ITGA9: variants seen among roughly 807,000 people sequenced by gnomAD.
The protein encoded by ITGA9 is integrin alpha-9.
A neutral mutation model predicts 127.8 loss-of-function variants in ITGA9; 56 were observed. The ratio of observed to expected loss-of-function variants is 0.44; its 90% CI spans 0.35 to 0.55. The LOEUF (loss-of-function observed/expected upper bound fraction) is 0.55. Among genes scored for constraint, ITGA9 ranks in the 20% least tolerant of loss-of-function variants. The pLI, the probability that ITGA9 is intolerant of heterozygous loss-of-function variation, is 0.00. For missense variants in ITGA9, 1,196 were observed against 1,347.1 expected (o/e 0.89, Z 1.76); for synonymous variants, 508 against 514.5 (o/e 0.99, Z 0.17).
At chr3:37,512,008 CTTTTCTTTTCTTTTCTTTT>C (rs1156916823) in intron 8 of ITGA9, among the ~76,000 whole-genome samples, 445 of 33,010 alleles carry the variant, frequency 0.013, 9 homozygotes, top group East Asian at 0.032. Flanking sequence ...CTTTTCTTTT[CTTTTCTTTTCTTTTCTTTT>C]CTTTCTTTCT....
chr3:37,668,385 G>A (rs558623795), intron 17 of ITGA9, among the ~76,000 whole-genome samples: 1 of 152,274 alleles, frequency 6.6e-6, no homozygotes, highest in African/African-American at 2.4e-5. Context: ...GCCATCCATT[G>A]GAGGTTTTAT....
intron 5 of ITGA9, among the ~76,000 whole-genome samples, chr3:37,501,441 T>A (rs1698786017): frequency 6.6e-6 from 1 of 152,212 alleles, no homozygotes; most frequent in African/African-American, 2.4e-5. Flanking sequence ...ATTAAAAAAA[T>A]TAATACATAT....
At chr3:37,694,555 G>A (rs1009061822) in intron 18 of ITGA9, among the ~76,000 whole-genome samples, 1 of 152,218 alleles carries the variant, frequency 6.6e-6, no homozygotes, top group African/African-American at 2.4e-5. Flanking sequence ...TATTCACTGC[G>A]TTTGGAAGGA....
intron 27 of ITGA9, among the ~76,000 whole-genome samples, chr3:37,805,208 T>G (rs1697281761): frequency 6.6e-6 from 1 of 151,938 alleles, no homozygotes; most frequent in South Asian, 2.1e-4. Context: ...GCACAATGCC[T>G]GGCTCATTTT....
At chr3:37,670,244 G>A (rs1054102392) in intron 17 of ITGA9, among the ~76,000 whole-genome samples, 2 of 152,036 alleles carry the variant, frequency 1.3e-5, no homozygotes, top group Non-Finnish European at 2.9e-5. Context: ...GGTGAATGAA[G>A]TCAACCACAG....
At chr3:37,788,820 T>C (rs1286585579) in intron 26 of ITGA9, among the ~76,000 whole-genome samples, 3 of 152,184 alleles carry the variant, frequency 2.0e-5, no homozygotes, top group Non-Finnish European at 4.4e-5. Flanking sequence ...TTAATTATTC[T>C]TTAAATTTTT....
chr3:37,536,496 G>T (rs376339856), intron 14 of ITGA9, among the ~76,000 whole-genome samples: 1 of 152,246 alleles, frequency 6.6e-6, no homozygotes, highest in African/African-American at 2.4e-5. Flanking sequence ...TACATGACCT[G>T]CTCTCTGAGG....
intron 11 of ITGA9, 60 bp from the exon 12 acceptor site, chr3:37,523,461 A>T: frequency 7.8e-7 from 1 of 1,276,748 alleles, no homozygotes; most frequent in South Asian, 1.2e-5. Flanking sequence ...AAGCAGTCAC[A>T]GTTCTTATTT....
chr3:37,587,911 C>T (rs1699774009), intron 15 of ITGA9, among the ~76,000 whole-genome samples: 1 of 152,176 alleles, frequency 6.6e-6, no homozygotes, highest in Non-Finnish European at 1.5e-5. Context: ...TGCCCGGACC[C>T]AGGCCCACGT....
intron 15 of ITGA9, among the ~76,000 whole-genome samples, chr3:37,580,682 C>T (rs1008795648): frequency 3.3e-5 from 5 of 152,144 alleles, no homozygotes; most frequent in African/African-American, 1.2e-4. Flanking sequence ...CTTACCTTTT[C>T]TCTTTTTTAT....
intron 15 of ITGA9, among the ~76,000 whole-genome samples, chr3:37,600,024 G>A (rs989113674): frequency 1.3e-5 from 2 of 152,174 alleles, no homozygotes; most frequent in Non-Finnish European, 2.9e-5. Context: ...AATGGACTAT[G>A]TGGGAAAGCG....
intron 21 of ITGA9, among the ~76,000 whole-genome samples, chr3:37,742,751 C>T (rs1351186614): frequency 1.3e-5 from 2 of 152,210 alleles, no homozygotes; most frequent in East Asian, 1.9e-4. Context: ...GCCATCCCTG[C>T]ACTAGCCCGC....
At chr3:37,454,682 T>G (rs955398247) in intron 1 of ITGA9, among the ~76,000 whole-genome samples, 1 of 152,218 alleles carries the variant, frequency 6.6e-6, no homozygotes, top group African/African-American at 2.4e-5. Context: ...AAATAATGCT[T>G]CTTTTTCCTC....
At chr3:37,753,816 A>G (rs981272150) in intron 23 of ITGA9, 10 of 152,278 alleles carry the variant, frequency 6.6e-5, no homozygotes, top group South Asian at 6.2e-4. Flanking sequence ...GTCTAACTAC[A>G]TGTCATGGAC....
At chr3:37,484,359 G>A (rs1698588049) in intron 4 of ITGA9, among the ~76,000 whole-genome samples, 1 of 152,168 alleles carries the variant, frequency 6.6e-6, no homozygotes, top group Non-Finnish European at 1.5e-5. Flanking sequence ...CTGGGAGGAT[G>A]CCGGCCGTAG....
chr3:37,510,253 C>T (rs1490624392), intron 8 of ITGA9, among the ~76,000 whole-genome samples: 23 of 152,110 alleles, frequency 1.5e-4, no homozygotes, highest in Non-Finnish European at 1.5e-5. Context: ...GATCCACCCA[C>T]CTTGGCCTCC....
intron 15 of ITGA9, among the ~76,000 whole-genome samples, chr3:37,547,907 G>T (rs1233680166): frequency 1.3e-5 from 2 of 152,172 alleles, no homozygotes; most frequent in Non-Finnish European, 2.9e-5. Flanking sequence ...GGCAACCACA[G>T]TTCCATTTTC....
At chr3:37,510,754 A>C (rs1698896435) in intron 8 of ITGA9, among the ~76,000 whole-genome samples, 1 of 152,012 alleles carries the variant, frequency 6.6e-6, no homozygotes, top group South Asian at 2.1e-4. Flanking sequence ...TAGCCATTTG[A>C]CTTTTTCTTT....
Position 37,568,568 on chromosome 3 carries a change from GAATTT to G in ITGA9, c.1689+25986_1689+25990del, listed in dbSNP as rs1243124857. ...TTCTGTTTTCTTTTTAAAACTGAAT[GAATTT>G]AACAGCACCCAAGTCACATCTTGAA... On this transcript the variant is annotated intron_variant, in intron 15 of 27. Transcript: ENST00000264741. 2.6e-5 allele frequency among the ~76,000 whole-genome samples: 4 copies of G among 152,274 alleles called. No individual in the cohort carries two copies. The South Asian group carries it at 8.3e-4, about 32-fold the overall frequency.
Sources: gnomAD v4.1 joint callset for allele counts (sites outside exome capture counted in the v4.1 genomes callset) on GRCh38, gnomAD v4.1.1 for gene constraint, MANE v1.5 for transcripts, NCBI Gene and HGNC (gene_info 2026-07-23, HGNC 2026-07-21) for gene names.